The following LRGUK variants were observed in gnomAD, a reference collection of about 807,000 sequenced individuals.
LRGUK encodes the protein leucine-rich repeat and guanylate kinase domain-containing protein.
LRGUK carries 65 observed loss-of-function variants against 76.0 expected under a neutral mutation model. The observed-to-expected ratio is 0.85, with a 90% CI of 0.70 to 1.05. LRGUK has a LOEUF of 1.05. LRGUK is among the 50% of genes least tolerant of loss of function. The pLI is 0.00. For synonymous variants in LRGUK, 268 were observed against 265.6 expected (o/e 1.01, Z -0.09); for missense variants, 758 against 732.8 (o/e 1.03, Z -0.40).
chr7:134,265,217 A>T (rs1802835126), downstream of LRGUK, among the ~76,000 whole-genome samples: 1 of 152,246 alleles, frequency 6.6e-6, no homozygotes, highest in Admixed American at 6.5e-5. Context: ...CTTTAAAAAA[A>T]ATTATGAAAT....
chr7:134,275,489 T>C, the LRGUK span, among the ~76,000 whole-genome samples: 1 of 152,328 alleles, frequency 6.6e-6, no homozygotes, highest in South Asian at 2.1e-4. Flanking sequence ...TCTTTGCATT[T>C]ATTTTGCTAT....
chr7:134,215,538 G>A (rs552712203), intron 15 of LRGUK, among the ~76,000 whole-genome samples: 31 of 151,998 alleles, frequency 2.0e-4, no homozygotes, highest in African/African-American at 6.8e-4. Flanking sequence ...TATGTTCTTT[G>A]TCAATGTGGG....
intron 18 of LRGUK, among the ~76,000 whole-genome samples, chr7:134,253,775 A>C (rs1336434760): frequency 6.6e-6 from 1 of 152,220 alleles, no homozygotes; most frequent in African/African-American, 2.4e-5. Context: ...GGATGGTGCC[A>C]CTACACTCCA....
intron 5 of LRGUK, among the ~76,000 whole-genome samples, chr7:134,151,109 C>G (rs1031922606): frequency 6.6e-6 from 1 of 152,122 alleles, no homozygotes; most frequent in Non-Finnish European, 1.5e-5. Context: ...TTAAGCATAT[C>G]ATATTGTGCA....
chr7:134,146,138 A>T (rs1797959605), intron 4 of LRGUK, among the ~76,000 whole-genome samples: 1 of 151,994 alleles, frequency 6.6e-6, no homozygotes, highest in African/African-American at 2.4e-5. Flanking sequence ...GCCTGGCATG[A>T]TGGTGGGAGC....
intron 16 of LRGUK, among the ~76,000 whole-genome samples, chr7:134,239,985 G>A (rs779349073): frequency 2.7e-4 from 41 of 152,326 alleles, no homozygotes; most frequent in Non-Finnish European, 4.0e-4. Flanking sequence ...TGCAGCTGAG[G>A]GTTCTGACTG....
chr7:134,135,662 G>C (rs1266843379), intron 1 of LRGUK, among the ~76,000 whole-genome samples: 1 of 152,150 alleles, frequency 6.6e-6, no homozygotes, highest in Non-Finnish European at 1.5e-5. Flanking sequence ...GAAGCCATGT[G>C]CTGCCTCCAT....
chr7:134,252,923 A>T (rs1182533966), intron 18 of LRGUK, among the ~76,000 whole-genome samples: 2 of 152,148 alleles, frequency 1.3e-5, no homozygotes, highest in African/African-American at 4.8e-5. Flanking sequence ...ACTGGCTCCT[A>T]CCCTTTTAAT....
rs1387067170 is a variant in LRGUK, at chr7:134,247,631, C to A, written c.2059C>A (p.Leu687Ile). The change falls in exon 17 of 20, where the codon CTC becomes ATC. Residue 687 changes from leucine (L) to isoleucine (I), a missense_variant. Leu to Ile is a conservative substitution (Grantham distance 5). Coordinates refer to the LRGUK transcript ENST00000285928. ...GGGAAGGATACGCCCTGATCACACA[C>A]TCCTATTTCAAAGGTAGCAATTTAT... The A allele has an allele frequency of 6.2e-7, 1 of 1,612,700 alleles. No individual in the cohort carries two copies. The highest frequency in any genetic ancestry group is 2.2e-5 in the East Asian group (1 of 44,850).
chr7:134,130,172 C>T (rs148636496), intron 1 of LRGUK, among the ~76,000 whole-genome samples: 2 of 152,026 alleles, frequency 1.3e-5, no homozygotes, highest in East Asian at 3.8e-4. Context: ...TTATTCTATT[C>T]GTTATTACTT....
chr7:134,148,086 A>C, intron 4 of LRGUK, 152 bp from the exon 5 acceptor site: 4 of 574,100 alleles, frequency 7.0e-6, no homozygotes. Flanking sequence ...AAAAAGATTA[A>C]AGACAGATGA....
intron 12 of LRGUK, among the ~76,000 whole-genome samples, chr7:134,193,800 C>A (rs561690659): frequency 3.9e-5 from 6 of 152,234 alleles, no homozygotes; most frequent in Admixed American, 3.9e-4. Context: ...ACACAGCAGC[C>A]ACCCAGACAG....
intron 5 of LRGUK, among the ~76,000 whole-genome samples, chr7:134,155,659 G>C (rs1798421858): frequency 6.6e-6 from 1 of 152,086 alleles, no homozygotes; most frequent in African/African-American, 2.4e-5. Context: ...AATATAATTT[G>C]GTAATGGTAT....
chr7:134,174,266 TG>T (rs1429976998), intron 7 of LRGUK, among the ~76,000 whole-genome samples: 1 of 152,124 alleles, frequency 6.6e-6, no homozygotes, highest in Non-Finnish European at 1.5e-5. Flanking sequence ...TGACTTTGAA[TG>T]CTATTTTATT....
chr7:134,259,114 A>C (rs1035540246), intron 19 of LRGUK, among the ~76,000 whole-genome samples: 2 of 152,134 alleles, frequency 1.3e-5, no homozygotes, highest in Non-Finnish European at 2.9e-5. Flanking sequence ...CAGAATTCTG[A>C]TGGCTTTAGG....
intron 16 of LRGUK, among the ~76,000 whole-genome samples, chr7:134,222,504 T>C (rs1440146490): frequency 1.3e-5 from 2 of 152,242 alleles, no homozygotes; most frequent in South Asian, 2.1e-4. Context: ...AGAGACTTAA[T>C]TGCAATTGCA....
intron 7 of LRGUK, among the ~76,000 whole-genome samples, chr7:134,172,847 A>T (rs535099908): frequency 9.2e-5 from 14 of 151,904 alleles, no homozygotes; most frequent in South Asian, 2.1e-4. Flanking sequence ...TAGGCTTGGC[A>T]GTGCACACTT....
intron 11 of LRGUK, among the ~76,000 whole-genome samples, chr7:134,189,938 G>A (rs1253766099): frequency 1.3e-5 from 2 of 152,102 alleles, no homozygotes; most frequent in Admixed American, 1.3e-4. Flanking sequence ...AGGGAGCAGT[G>A]GTATGAATTA....
rs1802791868 is a variant in LRGUK, at chr7:134,263,528, T to C, written c.2348-317T>C. 2.7e-5 allele frequency among the ~76,000 whole-genome samples: 4 copies of C among 149,616 alleles called. No individual in the cohort carries two copies. The South Asian group carries it at 6.4e-4, about 24-fold the overall frequency. On this transcript the variant is annotated intron_variant, in intron 19 of 19. Coordinates refer to the LRGUK transcript ENST00000285928. ...TGCTTGCTGTAGCATCCTCTGGTCA[T>C]TGGGCAACTCTATACAACCTAAGGC...
Sources: gnomAD v4.1 joint callset for allele counts (sites outside exome capture counted in the v4.1 genomes callset) on GRCh38, gnomAD v4.1.1 for gene constraint, MANE v1.5 for transcripts, NCBI Gene and HGNC (gene_info 2026-07-23, HGNC 2026-07-21) for gene names.